The following PHACTR1 variants were observed in gnomAD, a reference collection of about 807,000 sequenced individuals.
PHACTR1 encodes phosphatase and actin regulator 1.
PHACTR1 carries 16 observed loss-of-function variants against 69.2 expected under a neutral mutation model. The ratio of observed to expected loss-of-function variants is 0.23; its 90% CI spans 0.16 to 0.35. The LOEUF (loss-of-function observed/expected upper bound fraction) is 0.35. PHACTR1 is among the 10% of genes least tolerant of loss of function. The pLI is 1.00. For missense variants in PHACTR1, 510 were observed against 734.7 expected, an observed-to-expected ratio of 0.69 and a Z score of 3.54; for synonymous variants, 312 against 284.5, an observed-to-expected ratio of 1.10 and a Z score of -0.97.
At chr6:12,847,999 G>A (rs917094317) in intron 4 of PHACTR1, among the ~76,000 whole-genome samples, 1 of 152,040 alleles carries the variant, frequency 6.6e-6, no homozygotes, top group African/African-American at 2.4e-5. Flanking sequence ...GATGTGGTTA[G>A]AAGAACAGCC....
intron 7 of PHACTR1, among the ~76,000 whole-genome samples, chr6:13,195,908 T>C (rs1186772216): frequency 6.6e-6 from 1 of 152,194 alleles, no homozygotes; most frequent in Non-Finnish European, 1.5e-5. Flanking sequence ...TTTCTTTCCT[T>C]GTCTGAAGTC....
intron 5 of PHACTR1, among the ~76,000 whole-genome samples, chr6:13,083,515 A>C (rs558334934): frequency 0.079 from 11,848 of 150,006 alleles, 1,487 homozygotes; most frequent in African/African-American, 0.27. Flanking sequence ...GATGGCATTG[A>C]ATCTATAAAT....
At chr6:13,150,529 C>T (rs915056158) in intron 5 of PHACTR1, among the ~76,000 whole-genome samples, 2 of 152,116 alleles carry the variant, frequency 1.3e-5, no homozygotes, top group African/African-American at 2.4e-5. Flanking sequence ...TACAAATTGC[C>T]TCTAGATTAA....
intron 4 of PHACTR1, among the ~76,000 whole-genome samples, chr6:13,015,428 C>G (rs1343158087): frequency 6.6e-6 from 1 of 152,118 alleles, no homozygotes; most frequent in African/African-American, 2.4e-5. Context: ...CACTGACTGA[C>G]ATGTGTTGGT....
At chr6:12,767,654 A>T (rs1768806093) in intron 4 of PHACTR1, among the ~76,000 whole-genome samples, 1 of 152,190 alleles carries the variant, frequency 6.6e-6, no homozygotes, top group Admixed American at 6.5e-5. Context: ...AGGGTTTTAC[A>T]TTTATGCACA....
chr6:13,140,421 GCC>G (rs1446691831), intron 5 of PHACTR1, among the ~76,000 whole-genome samples: 11 of 152,036 alleles, frequency 7.2e-5, no homozygotes, highest in Admixed American at 7.2e-4. Flanking sequence ...TTAAAAAGTG[GCC>G]TATATATACA....
chr6:12,985,540 AAATAT>A (rs1480757946), intron 4 of PHACTR1, among the ~76,000 whole-genome samples: 14 of 121,220 alleles, frequency 1.2e-4, no homozygotes, highest in African/African-American at 1.7e-4. Flanking sequence ...AAAAAAAAAA[AAATAT>A]ATATATATAT....
At chr6:12,778,843 C>T (rs546384964) in intron 4 of PHACTR1, among the ~76,000 whole-genome samples, 3 of 152,312 alleles carry the variant, frequency 2.0e-5, no homozygotes, top group African/African-American at 4.8e-5. Context: ...GTATATTACA[C>T]GGTCACTACT....
chr6:12,861,011 ACAGTG>A (rs1278443817), intron 4 of PHACTR1, among the ~76,000 whole-genome samples: 1 of 152,206 alleles, frequency 6.6e-6, no homozygotes, highest in Non-Finnish European at 1.5e-5. Context: ...TGGTCCATAG[ACAGTG>A]CCATCATAGT....
intron 8 of PHACTR1, among the ~76,000 whole-genome samples, chr6:13,212,027 A>G (rs1766927595): frequency 1.3e-5 from 2 of 151,570 alleles, no homozygotes; most frequent in Admixed American, 6.6e-5. Context: ...TCTCCTGGGG[A>G]CTCTCTTCTT....
chr6:13,191,795 T>C (rs1763637759), intron 7 of PHACTR1, among the ~76,000 whole-genome samples: 1 of 152,188 alleles, frequency 6.6e-6, no homozygotes, highest in South Asian at 2.1e-4. Flanking sequence ...AAATAAAAAA[T>C]GGAAACAACA....
At chr6:13,277,324 A>G (rs1163495031) in intron 11 of PHACTR1, among the ~76,000 whole-genome samples, 2 of 152,188 alleles carry the variant, frequency 1.3e-5, no homozygotes, top group East Asian at 3.8e-4. Context: ...AGCCACTCCT[A>G]AAGAGTCTAC....
At chr6:13,084,024 G>A (rs1485310822) in intron 5 of PHACTR1, among the ~76,000 whole-genome samples, 1 of 152,016 alleles carries the variant, frequency 6.6e-6, no homozygotes, top group Admixed American at 6.6e-5. Flanking sequence ...CCATTACTGG[G>A]TATATACCCA....
intron 4 of PHACTR1, among the ~76,000 whole-genome samples, chr6:12,906,198 C>A (rs1198515886): frequency 6.6e-6 from 1 of 152,148 alleles, no homozygotes; most frequent in Non-Finnish European, 1.5e-5. Context: ...AAATATATTA[C>A]TTCTTATGCT....
chr6:12,906,846 A>G lies in PHACTR1; in HGVS notation c.251-146519A>G, dbSNP rs114144812. Among the ~76,000 whole-genome samples, 303 of 152,302 alleles carry G rather than the reference A, an allele frequency of 2.0e-3. 3 individuals are homozygous for G. The highest frequency in any genetic ancestry group is 6.9e-3 in the African/African-American group (286 of 41,560). ...GTGTCCACTCTGGATCAATGATTAC[A>G]TTTAGAGAAATTAGGCTTTCTGATT... On this transcript the variant is annotated intron_variant, in intron 4 of 14. Transcript: ENST00000332995.
intron 4 of PHACTR1, among the ~76,000 whole-genome samples, chr6:12,950,612 C>T (rs1791174472): frequency 6.6e-6 from 1 of 152,142 alleles, no homozygotes. Context: ...ATTTAATTTC[C>T]CCCAAATAAC....
chr6:12,822,479 C>A (rs10434855), intron 4 of PHACTR1, among the ~76,000 whole-genome samples: 18,120 of 152,182 alleles, frequency 0.12, 1,273 homozygotes, highest in African/African-American at 0.19. Context: ...TCCACCAAGC[C>A]CTCCATGAGA....
intron 3 of PHACTR1, among the ~76,000 whole-genome samples, chr6:12,740,190 T>G (rs1025050982): frequency 2.0e-5 from 3 of 152,204 alleles, no homozygotes; most frequent in African/African-American, 7.2e-5. Flanking sequence ...TGACAATGTA[T>G]GAAGACATTA....
At chr6:12,921,755 G>A (rs1787714716) in intron 4 of PHACTR1, among the ~76,000 whole-genome samples, 1 of 137,292 alleles carries the variant, frequency 7.3e-6, no homozygotes, top group East Asian at 2.3e-4. Flanking sequence ...AGGAAAGGAA[G>A]GAAGGAAGAA....
Sources: allele counts gnomAD v4.1 joint callset (sites outside exome capture counted in the v4.1 genomes callset), GRCh38; gene constraint gnomAD v4.1.1; transcripts MANE v1.5; gene names NCBI Gene and HGNC (gene_info 2026-07-23, HGNC 2026-07-21).